Variants in RBBP4 observed in about 807,000 individuals in gnomAD.
RBBP4 encodes RB binding protein 4, chromatin remodeling factor.
Under a neutral mutation model 57.2 loss-of-function variants are expected in RBBP4, and 3 were observed. The observed-to-expected ratio is 0.05, with a 90% confidence interval of 0.02 to 0.14. RBBP4 has a LOEUF of 0.14. Among genes scored for constraint, RBBP4 ranks in the 10% least tolerant of loss-of-function variants. The pLI is 1.00. For missense variants in RBBP4, 107 were observed against 520.6 expected, an observed-to-expected ratio of 0.21 and a Z score of 7.73; for synonymous variants, 151 against 171.5, an observed-to-expected ratio of 0.88 and a Z score of 0.93.
chr1:32,662,203 TTTG>T (rs946689714), intron 3 of RBBP4: 28 of 343,440 alleles, frequency 8.2e-5, no homozygotes, highest in South Asian at 1.4e-4. Context: ...TTTTTGGGGT[TTTG>T]TTTTATTTTT....
Position 32,682,002 on chromosome 1 carries a change from G to C in RBBP4, c.*2297G>C. 1.4e-6 allele frequency: 1 copy of C among 702,540 alleles called. No homozygotes were observed. The highest frequency in any genetic ancestry group is 2.5e-6 in the Non-Finnish European group (1 of 405,210). 43.5% of individuals were successfully genotyped at this position (702,540 alleles called of 1,614,324 possible). A position where few individuals can be genotyped will look rare whatever the true frequency, so the allele number is the denominator to read the frequency against. On this transcript the variant is annotated 3_prime_UTR_variant, in exon 12 of 12. Coordinates refer to ENST00000373493, the MANE Select transcript of RBBP4 (RefSeq NM_005610.3). Reference sequence around the variant, plus strand: ...CCTAGCAAATATTTGGATGCCTCCTGTTTGTCAAATAGAATGAATGGTGAT... The same window carrying C: ...CCTAGCAAATATTTGGATGCCTCCTCTTTGTCAAATAGAATGAATGGTGAT...
rs1217898708 is a variant in RBBP4 at position 32,684,327 on chromosome 1, A to C, written c.*4622A>C. 7 of 1,614,112 alleles carry C rather than the reference A, an allele frequency of 4.3e-6. No individual in the cohort carries two copies. Among genetic ancestry groups the C allele is most frequent in the Non-Finnish European group, 5.9e-6 (7 of 1,180,020 alleles). ...CATCTCTTTGTTCTTCTGTTGCTGG[A>C]GTTGCACCCCATTTCTTAACTGCCT... is the stretch of plus-strand genomic sequence containing the variant. On this transcript the variant is annotated 3_prime_UTR_variant, in exon 12 of 12. Coordinates refer to ENST00000373493, the MANE Select transcript of RBBP4 (RefSeq NM_005610.3).
Position 32,684,090 on chromosome 1 carries a change from C to CT in RBBP4, c.*4388dup. On this transcript the variant is annotated 3_prime_UTR_variant, in exon 12 of 12. Transcript: ENST00000373493. ...CAGGCTCTTGGGTAGTAGCATAGCC[C>CT]TTTAAAAAGAGAGAGCCATTTTCCA... 1 of 1,609,852 alleles carries CT rather than the reference C, an allele frequency of 6.2e-7. No homozygotes were observed. Among genetic ancestry groups the CT allele is most frequent in the Non-Finnish European group, 8.5e-7 (1 of 1,179,830 alleles).
intron 3 of RBBP4, among the ~76,000 whole-genome samples, chr1:32,659,809 A>G (rs1212031812): frequency 6.6e-6 from 1 of 152,182 alleles, no homozygotes; most frequent in Non-Finnish European, 1.5e-5. Context: ...ATGGCTGTAT[A>G]GTAGACCATA....
chr1:32,655,137 C>T (rs1233738433), intron 2 of RBBP4, among the ~76,000 whole-genome samples: 2 of 152,074 alleles, frequency 1.3e-5, no homozygotes, highest in African/African-American at 2.4e-5. Context: ...TACAGGCACA[C>T]GCTACCATAC....
At chr1:32,674,731 A>AT (rs554173834) in intron 11 of RBBP4, among the ~76,000 whole-genome samples, 153 of 143,596 alleles carry the variant, frequency 1.1e-3, no homozygotes, top group African/African-American at 1.7e-3. Flanking sequence ...TTTTTTTTTA[A>AT]TTTTTTTTTT....
intron 3 of RBBP4, among the ~76,000 whole-genome samples, chr1:32,662,563 A>C (rs913858287): frequency 9.9e-5 from 15 of 151,344 alleles, no homozygotes; most frequent in Non-Finnish European, 1.5e-4. Flanking sequence ...TTTTGTAGAG[A>C]TGGGGTTTCA....
intron 3 of RBBP4, among the ~76,000 whole-genome samples, chr1:32,664,627 A>G (rs978643317): frequency 6.6e-6 from 1 of 151,848 alleles, no homozygotes; most frequent in Admixed American, 6.6e-5. Flanking sequence ...TAATTTTTGT[A>G]TTTTTAGTAG....
chr1:32,651,507 T>C, intron 1 of RBBP4, 185 bp downstream of exon 1: 1 of 1,345,136 alleles, frequency 7.4e-7, no homozygotes, highest in Non-Finnish European at 9.6e-7. Context: ...CCGATTTCGG[T>C]CGCAGCTGGC....
At position 32,651,682 on chromosome 1, in the gene RBBP4, C is replaced by G. The variant is rs576981904; in HGVS notation, c.17-232C>G. On this transcript the variant is annotated intron_variant, in intron 1 of 11. Transcript: ENST00000373493. ...GAGTTTCGGCGCGCACGAGCGTGCT[C>G]CGAAGGCCTGGCTGGCCCCTTGGCC... 4.0e-6 allele frequency: 3 copies of G among 755,374 alleles called. No individual in the cohort carries two copies. In the South Asian group the frequency reaches 6.4e-5, roughly 16 times the overall value. 46.8% of individuals were successfully genotyped at this position (755,374 alleles called of 1,614,324 possible).
rs756806089 is a variant in RBBP4, at chr1:32,669,393, C to T, written c.888+36C>T. 4.4e-6 allele frequency: 7 copies of T among 1,573,530 alleles called. No homozygotes were observed. In the South Asian group the frequency reaches 6.0e-5, roughly 13 times the overall value. On this transcript the variant is annotated intron_variant, in intron 7 of 11. Coordinates refer to ENST00000373493, the MANE Select transcript of RBBP4 (RefSeq NM_005610.3). This position sits in a 1 kb window ranked among gnomAD's most constrained non-coding sequence, Gnocchi z 4.9. ...TTTATTTTAATAGAAAACATAATTT[C>T]TCTAGGTTTTTTTGAATTGCAGAGA...
In RBBP4 at chr1:32,668,624, C is replaced by T. The variant is rs933903829; in HGVS notation, c.485-115C>T. 16 of 889,006 alleles carry T rather than the reference C, an allele frequency of 1.8e-5. No homozygotes were observed. In the African/African-American group the frequency reaches 2.5e-4, roughly 14 times the overall value. The allele number at this position is 889,006 out of a possible 1,614,324, so 55.1% of individuals were successfully genotyped here. On this transcript the variant is annotated intron_variant, in intron 4 of 11. Transcript: ENST00000373493. ...ATTATCTATTTGATCATAACGGTTC[C>T]TATATCATTTATAAATGTTAAGAGC...
In RBBP4 at chr1:32,663,789, G is replaced by A. The variant is rs1002625295; in HGVS notation, c.311-4436G>A. ...GACGGGGTTTCACGGTGTTAGCCAGGATGGTCTCAATCTCCTGACCTCGTG... is the reference window on the plus strand; with the variant it reads ...GACGGGGTTTCACGGTGTTAGCCAGAATGGTCTCAATCTCCTGACCTCGTG... On this transcript the variant is annotated intron_variant, in intron 3 of 11. Coordinates refer to ENST00000373493, the MANE Select transcript of RBBP4 (RefSeq NM_005610.3). 5.9e-5 allele frequency among the ~76,000 whole-genome samples: 9 copies of A among 151,560 alleles called. No individual in the cohort carries two copies. The South Asian group carries it at 1.5e-3, about 25-fold the overall frequency.
chr1:32,670,254 G>A (rs978442883), intron 8 of RBBP4, among the ~76,000 whole-genome samples: 1 of 152,182 alleles, frequency 6.6e-6, no homozygotes, highest in African/African-American at 2.4e-5. Flanking sequence ...CTGACACTTA[G>A]TGATCTCTTC....
intron 3 of RBBP4, among the ~76,000 whole-genome samples, chr1:32,661,585 G>A (rs377484282): frequency 6.6e-6 from 1 of 151,900 alleles, no homozygotes; most frequent in African/African-American, 2.4e-5. Flanking sequence ...TGACCACCAT[G>A]CCTGGCCCTG....
intron 3 of RBBP4, among the ~76,000 whole-genome samples, chr1:32,666,967 C>T (rs1029376620): frequency 6.6e-6 from 1 of 152,156 alleles, no homozygotes; most frequent in Non-Finnish European, 1.5e-5. Flanking sequence ...GAGGTGAGCC[C>T]TCTGTCACGC....
chr1:32,684,322 GCT>G lies in RBBP4; in HGVS notation c.*4618_*4619del. The G allele has an allele frequency of 6.2e-7, 1 of 1,614,094 alleles. No homozygotes were observed. Among genetic ancestry groups the G allele is most frequent in the South Asian group, 1.1e-5 (1 of 91,072 alleles). On this transcript the variant is annotated 3_prime_UTR_variant, in exon 12 of 12. Coordinates refer to ENST00000373493, the MANE Select transcript of RBBP4 (RefSeq NM_005610.3). The stretch of plus-strand genomic sequence containing the variant: ...TGTTCCATCTCTTTGTTCTTCTGTT[GCT>G]GGAGTTGCACCCCATTTCTTAACTG...
At chr1:32,653,635 TG>T (rs1484970457) in intron 2 of RBBP4, among the ~76,000 whole-genome samples, 58 of 28,650 alleles carry the variant, frequency 2.0e-3, no homozygotes, top group Non-Finnish European at 7.5e-3. Context: ...TTTTGTTTTC[TG>T]GTTTTTTTTT....
intron 11 of RBBP4, among the ~76,000 whole-genome samples, chr1:32,674,326 C>T (rs563957728): frequency 3.3e-5 from 5 of 152,138 alleles, no homozygotes; most frequent in East Asian, 1.9e-4. Flanking sequence ...CTCCAATTCC[C>T]GGGCTCAAGA....
Sources: gnomAD v4.1 joint callset for allele counts (sites outside exome capture counted in the v4.1 genomes callset) on GRCh38, gnomAD v4.1.1 for gene constraint, Gnocchi (gnomAD v3.1) non-coding constraint, MANE v1.5 for transcripts, NCBI Gene and HGNC (gene_info 2026-07-23, HGNC 2026-07-21) for gene names.